The following CASK variants were observed in gnomAD, a reference collection of about 807,000 sequenced individuals.
CASK encodes the protein peripheral plasma membrane protein CASK.
In CASK, 4 loss-of-function variants were observed where a neutral mutation model predicts 82.9. The ratio of observed to expected loss-of-function variants is 0.05; its 90% CI spans 0.02 to 0.11. CASK has a LOEUF of 0.11. CASK is among the 10% of genes least tolerant of loss of function. The pLI, the probability that CASK is intolerant of heterozygous loss-of-function variation, is 1.00. For synonymous variants in CASK, 259 were observed against 253.5 expected (o/e 1.02, Z -0.20); for missense variants, 358 against 720.9 (o/e 0.50, Z 5.76).
At chrX:41,883,814 T>C (rs903826070) in intron 1 of CASK, among the ~76,000 whole-genome samples, 3 of 111,341 alleles carry the variant, frequency 2.7e-5, no homozygotes, top group Non-Finnish European at 5.7e-5. Flanking sequence ...TGGAGAAGAA[T>C]GGACAATAAA....
At chrX:41,920,297 T>C (rs999479277) in intron 1 of CASK, among the ~76,000 whole-genome samples, 10 of 111,887 alleles carry the variant, frequency 8.9e-5, no homozygotes, top group African/African-American at 2.3e-4. Flanking sequence ...AATTCAGAGG[T>C]GAACAAATTA....
intron 5 of CASK, among the ~76,000 whole-genome samples, chrX:41,732,381 T>C (rs1298369454): frequency 9.0e-6 from 1 of 111,404 alleles, no homozygotes; most frequent in African/African-American, 3.3e-5. Context: ...GATGGCCCAT[T>C]CTGTTCAATT....
At chrX:41,816,757 G>A (rs1472591727) in intron 2 of CASK, among the ~76,000 whole-genome samples, 1 of 111,232 alleles carries the variant, frequency 9.0e-6, no homozygotes, top group Non-Finnish European at 1.9e-5. Flanking sequence ...TACCCACTTA[G>A]GTAAAACAGA....
At chrX:41,905,547 A>G (rs1235782772) in intron 1 of CASK, among the ~76,000 whole-genome samples, 2 of 113,086 alleles carry the variant, frequency 1.8e-5, no homozygotes, top group East Asian at 5.5e-4. Context: ...ATGTCTGTTC[A>G]GTGAATTTTA....
At chrX:41,830,060 T>C (rs1271942535) in intron 2 of CASK, among the ~76,000 whole-genome samples, 3 of 107,049 alleles carry the variant, frequency 2.8e-5, no homozygotes, top group East Asian at 3.0e-4. Context: ...AGTGCAGTGG[T>C]GCAATCACGG....
intron 16 of CASK, among the ~76,000 whole-genome samples, chrX:41,565,328 T>C (rs934765559): frequency 9.9e-5 from 11 of 111,218 alleles, no homozygotes; most frequent in African/African-American, 2.9e-4. Flanking sequence ...AAAAAATTGA[T>C]AGACCGCTAG....
chrX:41,548,382 T>G (rs2065051625), intron 21 of CASK, among the ~76,000 whole-genome samples: 1 of 112,154 alleles, frequency 8.9e-6, no homozygotes, highest in Non-Finnish European at 1.9e-5. Context: ...GTAGTTTTCT[T>G]TTCTTGAACT....
At chrX:41,777,556 T>G (rs1420095294) in intron 3 of CASK, among the ~76,000 whole-genome samples, 3 of 110,356 alleles carry the variant, frequency 2.7e-5, no homozygotes, top group African/African-American at 9.9e-5. Context: ...ATTCTGAGAA[T>G]TCCTATTTTG....
intron 5 of CASK, among the ~76,000 whole-genome samples, chrX:41,707,660 T>C (rs753764364): frequency 8.9e-6 from 1 of 111,887 alleles, no homozygotes; most frequent in African/African-American, 3.2e-5. Flanking sequence ...TGAGTTATTT[T>C]ACTTGAAAGC....
chrX:41,923,134 G>T lies in CASK; in HGVS notation c.-146C>A. Reference sequence around the variant, plus strand: ...GCCGAGGACGCTCGAGTGGGGCCGCGAGGCCCAGAGACTGCGGCGCCTTCC... The same window carrying T: ...GCCGAGGACGCTCGAGTGGGGCCGCTAGGCCCAGAGACTGCGGCGCCTTCC... On this transcript the variant is annotated 5_prime_UTR_variant, in exon 1 of 27. Coordinates refer to ENST00000378163, the MANE Select transcript of CASK (RefSeq NM_001367721.1). 2.4e-6 allele frequency: 1 copy of T among 409,537 alleles called. No homozygotes were observed. Among genetic ancestry groups the T allele is most frequent in the Non-Finnish European group, 4.1e-6 (1 of 243,888 alleles). 33.8% of individuals were successfully genotyped at this position (409,537 alleles called of 1,213,427 possible). A position where few individuals can be genotyped will look rare whatever the true frequency, so the allele number is the denominator to read the frequency against.
chrX:41,531,991 G>C (rs777834644), intron 24 of CASK, among the ~76,000 whole-genome samples: 6 of 111,925 alleles, frequency 5.4e-5, no homozygotes, highest in African/African-American at 1.9e-4. Flanking sequence ...CTGGAGTGCA[G>C]TGGTGCGATC....
intron 6 of CASK, 79 bp from the exon 7 acceptor site, chrX:41,665,531 T>C (rs1482101374): frequency 1.5e-6 from 1 of 681,637 alleles, no homozygotes; most frequent in African/African-American, 2.5e-5. Context: ...AATAGAACAA[T>C]AACAATCCAA....
chrX:41,833,775 A>T (rs2070874159), intron 2 of CASK, among the ~76,000 whole-genome samples: 1 of 111,583 alleles, frequency 9.0e-6, no homozygotes, highest in African/African-American at 3.3e-5. Context: ...TTGAGGCAGG[A>T]TCTTACTCTG....
intron 8 of CASK, among the ~76,000 whole-genome samples, chrX:41,656,816 C>T (rs115225359): frequency 0.067 from 7,394 of 110,744 alleles, 211 homozygotes; most frequent in African/African-American, 0.084. Flanking sequence ...TTTTTCTTTC[C>T]TTCTTTCCCA....
rs1040218140 is a variant in CASK, at chrX:41,765,412, A to C, written c.279-19811T>G. ...ACAACATTTGAGGAAGGAATTTGAC[A>C]TTAGCAACAGTATGAAATAACGTAT... On this transcript the variant is annotated intron_variant, in intron 3 of 26. Transcript: ENST00000378163. Among the ~76,000 whole-genome samples, 26 of 112,416 alleles carry C rather than the reference A, an allele frequency of 2.3e-4. 1 individual carries two copies. Among genetic ancestry groups the C allele is most frequent in the African/African-American group, 8.4e-4 (26 of 30,988 alleles).
intron 3 of CASK, among the ~76,000 whole-genome samples, chrX:41,775,294 T>C (rs757534379): frequency 6.0e-4 from 67 of 111,802 alleles, no homozygotes; most frequent in Middle Eastern, 4.6e-3. Context: ...CTGCTCACCA[T>C]CACTGGCCAT....
intron 24 of CASK, among the ~76,000 whole-genome samples, chrX:41,531,472 C>T (rs1267992585): frequency 8.9e-6 from 1 of 111,999 alleles, no homozygotes; most frequent in Non-Finnish European, 1.9e-5. Context: ...TATTTTATCC[C>T]TTCATGAACC....
In CASK at chrX:41,531,460, T is replaced by G. The variant is rs2998250; in HGVS notation, c.2318-251A>C. 0.46 allele frequency among the ~76,000 whole-genome samples: 50,680 copies of G among 110,711 alleles called. 8,677 individuals carry two copies. Among genetic ancestry groups the G allele is most frequent in the East Asian group, 0.86 (3,018 of 3,504 alleles). On this transcript the variant is annotated intron_variant, in intron 24 of 26. Transcript: ENST00000378163. ...TGAAACTTTCAGTGTTCAGGTGAGA[T>G]GTATTTTATCCCTTCATGAACCACC...
intron 2 of CASK, among the ~76,000 whole-genome samples, chrX:41,844,784 T>C (rs955813275): frequency 8.0e-5 from 9 of 111,961 alleles, no homozygotes; most frequent in African/African-American, 2.9e-4. Flanking sequence ...GGTTAAATTA[T>C]TGATTTGAGC....
Sources: allele counts gnomAD v4.1 joint callset (sites outside exome capture counted in the v4.1 genomes callset), GRCh38; gene constraint gnomAD v4.1.1; transcripts MANE v1.5; gene names NCBI Gene and HGNC (gene_info 2026-07-23, HGNC 2026-07-21).